TIMM17A: variants seen among roughly 807,000 people sequenced by gnomAD.
The protein encoded by TIMM17A is translocase of inner mitochondrial membrane 17A, also known as mitochondrial import inner membrane translocase subunit Tim17-A.
TIMM17A carries 15 observed loss-of-function variants against 26.5 expected under a neutral mutation model. The observed-to-expected ratio is 0.57, with a 90% confidence interval of 0.38 to 0.87. The LOEUF (loss-of-function observed/expected upper bound fraction) is 0.87, where lower values mean the gene tolerates loss of function less well. Among genes scored for constraint, TIMM17A ranks in the 40% least tolerant of loss-of-function variants. The pLI is 0.00. For missense variants in TIMM17A, 201 were observed against 210.0 expected (o/e 0.96, Z 0.27); for synonymous variants, 80 against 70.8 (o/e 1.13, Z -0.66).
intron 5 of TIMM17A, among the ~76,000 whole-genome samples, chr1:201,967,054 A>T (rs1342072609): frequency 7.0e-6 from 1 of 143,266 alleles, no homozygotes; most frequent in African/African-American, 2.6e-5. Flanking sequence ...TGAAAATTTG[A>T]CCTGGCATTT....
intron 3 of TIMM17A, among the ~76,000 whole-genome samples, chr1:201,958,376 C>T (rs1375520661): frequency 6.6e-6 from 1 of 152,118 alleles, no homozygotes; most frequent in Non-Finnish European, 1.5e-5. Context: ...AGGGAGGTGA[C>T]AAAAAATGTT....
intron 3 of TIMM17A, among the ~76,000 whole-genome samples, chr1:201,961,711 A>G (rs1191051524): frequency 6.6e-6 from 1 of 152,200 alleles, no homozygotes; most frequent in Admixed American, 6.6e-5. Context: ...AAGAAAAATC[A>G]AGAATGGTAT....
At chr1:201,967,826 C>T (rs1232757918) in intron 5 of TIMM17A, among the ~76,000 whole-genome samples, 4 of 152,042 alleles carry the variant, frequency 2.6e-5, no homozygotes, top group African/African-American at 7.2e-5. Context: ...GGTGAGCCAC[C>T]GTGCCCAGCT....
In TIMM17A at chr1:201,957,902, C is replaced by T. The variant is rs1294604413; in HGVS notation, c.190+328C>T. ...CCTGTAATCCCAGCACTTTGGGAGGCCGAGGTGGGCAGATCACCTGAGGTC... is the reference window on the plus strand; with the variant it reads ...CCTGTAATCCCAGCACTTTGGGAGGTCGAGGTGGGCAGATCACCTGAGGTC... On this transcript the variant is annotated intron_variant, in intron 3 of 5. Coordinates refer to ENST00000367287, the MANE Select transcript of TIMM17A (RefSeq NM_006335.3). 3 of 209,044 alleles carry T rather than the reference C, an allele frequency of 1.4e-5. No homozygotes were observed. In the South Asian group the frequency reaches 2.2e-4, roughly 15 times the overall value. The allele number at this position is 209,044 out of a possible 1,614,324, so 12.9% of individuals were successfully genotyped here. A position where few individuals can be genotyped will look rare whatever the true frequency, so the allele number is the denominator to read the frequency against.
rs759557626 is a variant in TIMM17A at position 201,966,991 on chromosome 1, TTGTGTG to T, written c.430+1468_430+1473del. The stretch of plus-strand genomic sequence containing the variant: ...TTATATATGTTGTATATTATATATG[TTGTGTG>T]TGTGTGTGTGTGTGTGTGTATATAT... On this transcript the variant is annotated intron_variant, in intron 5 of 5. Coordinates refer to ENST00000367287, the MANE Select transcript of TIMM17A (RefSeq NM_006335.3). 3.0e-4 allele frequency among the ~76,000 whole-genome samples: 40 copies of T among 133,098 alleles called. 1 individual carries two copies. The highest frequency in any genetic ancestry group is 1.4e-3 in the South Asian group (6 of 4,140). 87.3% of individuals were successfully genotyped at this position (133,098 alleles called of 152,430 possible).
intron 3 of TIMM17A, among the ~76,000 whole-genome samples, chr1:201,961,815 T>A (rs957786198): frequency 3.9e-5 from 6 of 152,086 alleles, no homozygotes; most frequent in African/African-American, 1.2e-4. Context: ...ATTCATTATT[T>A]TCTTCCTTTT....
chr1:201,955,621 G>C (rs3820438), intron 1 of TIMM17A, 69 bp downstream of exon 1: 389,471 of 1,605,348 alleles, frequency 0.24, 50,453 homozygotes, highest in East Asian at 0.44. Context: ...CCCTTGTCCA[G>C]GCTCCCAAGG....
chr1:201,966,401 T>C (rs1218615699), intron 5 of TIMM17A, among the ~76,000 whole-genome samples: 1 of 152,026 alleles, frequency 6.6e-6, no homozygotes, highest in Non-Finnish European at 1.5e-5. Flanking sequence ...AGATGGTGCA[T>C]TCCTGTAGTT....
At chr1:201,957,111 GC>G (rs1440299843) in intron 1 of TIMM17A, among the ~76,000 whole-genome samples, 169 bp from the exon 2 acceptor site, 1 of 152,080 alleles carries the variant, frequency 6.6e-6, no homozygotes, top group East Asian at 1.9e-4. Context: ...TTTTTTGACT[GC>G]CCTGTTTGAT....
intron 5 of TIMM17A, among the ~76,000 whole-genome samples, chr1:201,967,945 G>C: frequency 6.6e-6 from 1 of 151,994 alleles, no homozygotes; most frequent in East Asian, 1.9e-4. Context: ...GTGTAGGGGG[G>C]AAATCTTTGA....
At chr1:201,956,811 C>T (rs1339615719) in intron 1 of TIMM17A, among the ~76,000 whole-genome samples, 2 of 152,096 alleles carry the variant, frequency 1.3e-5, no homozygotes, top group African/African-American at 4.8e-5. Flanking sequence ...CAAATATTAG[C>T]CGGGCGTGGT....
intron 5 of TIMM17A, among the ~76,000 whole-genome samples, chr1:201,967,099 G>A (rs1293070708): frequency 6.6e-6 from 1 of 150,600 alleles, no homozygotes; most frequent in African/African-American, 2.4e-5. Context: ...AGTGAGACAT[G>A]TTGAAAATTA....
intron 3 of TIMM17A, among the ~76,000 whole-genome samples, chr1:201,961,217 C>T (rs764847639): frequency 2.6e-5 from 4 of 152,108 alleles, no homozygotes; most frequent in South Asian, 2.1e-4. Flanking sequence ...AGGCGCATGC[C>T]GCCACTTCTG....
At chr1:201,955,586 C>T (rs1682394380) in intron 1 of TIMM17A, 34 bp downstream of exon 1, 1 of 1,613,968 alleles carries the variant, frequency 6.2e-7, no homozygotes, top group South Asian at 1.1e-5. Context: ...ATTTCTCTTG[C>T]CCCCCTGCCC....
chr1:201,959,753 T>TCACAA (rs955367176), intron 3 of TIMM17A, among the ~76,000 whole-genome samples: 8 of 151,414 alleles, frequency 5.3e-5, no homozygotes, highest in African/African-American at 1.7e-4. Context: ...GGCAGGTGGA[T>TCACAA]CACAAGGTGA....
chr1:201,957,362 T>G lies in TIMM17A; in HGVS notation c.108T>G (p.Gly36=), dbSNP rs781618304. ...IGGGIFQAIK[G]FRNSPVGVNH... is the part of the protein sequence containing the mutation. ...GTGGTATCTTTCAAGCAATCAAAGG[T>G]TTTCGCAATTCTCCAGTGGTAAGTG... The change falls in exon 2 of 6, where the codon GGT becomes GGG. Residue 36 remains glycine (G), a synonymous_variant. Coordinates refer to ENST00000367287, the MANE Select transcript of TIMM17A (RefSeq NM_006335.3). The G allele has an allele frequency of 6.2e-7, 1 of 1,613,782 alleles. No homozygotes were observed. The highest frequency in any genetic ancestry group is 1.6e-4 in the Middle Eastern group (1 of 6,062).
At chr1:201,957,095 C>T (rs890187216) in intron 1 of TIMM17A, among the ~76,000 whole-genome samples, 186 bp from the exon 2 acceptor site, 1 of 152,102 alleles carries the variant, frequency 6.6e-6, no homozygotes, top group Non-Finnish European at 1.5e-5. Flanking sequence ...GTCAAAACTG[C>T]TTTGATTTTT....
rs371868724 is a variant in TIMM17A, at chr1:201,961,693, T to C, written c.191-1923T>C. Reference sequence around the variant, plus strand: ...GAGAGAATGCCTCTCTACAAAAAAATTTTTTAAAAGAAAAATCAAGAATGG... The same window carrying C: ...GAGAGAATGCCTCTCTACAAAAAAACTTTTTAAAAGAAAAATCAAGAATGG... On this transcript the variant is annotated intron_variant, in intron 3 of 5. Coordinates refer to ENST00000367287, the MANE Select transcript of TIMM17A (RefSeq NM_006335.3). Among the ~76,000 whole-genome samples the C allele has an allele frequency of 1.1e-4, 16 of 152,216 alleles. No homozygotes were observed. The East Asian group carries it at 2.1e-3, about 20-fold the overall frequency.
chr1:201,955,939 C>T (rs1483026348), intron 1 of TIMM17A, among the ~76,000 whole-genome samples: 1 of 152,206 alleles, frequency 6.6e-6, no homozygotes, highest in African/African-American at 2.4e-5. Flanking sequence ...TGCTCAGTTC[C>T]TGCGTTGAGG....
Sources: gnomAD v4.1 joint callset for allele counts (sites outside exome capture counted in the v4.1 genomes callset) on GRCh38, gnomAD v4.1.1 for gene constraint, MANE v1.5 for transcripts, NCBI Gene and HGNC (gene_info 2026-07-23, HGNC 2026-07-21) for gene names.